Variants in ANKRD40 observed in about 807,000 individuals in gnomAD.
ANKRD40 encodes the protein ankyrin repeat domain-containing protein 40.
A neutral mutation model predicts 35.5 loss-of-function variants in ANKRD40; 24 were observed. The ratio of observed to expected loss-of-function variants is 0.68; its 90% CI spans 0.49 to 0.95. The LOEUF (loss-of-function observed/expected upper bound fraction) is 0.95. ANKRD40 is among the 40% of genes least tolerant of loss of function. The pLI, the probability that ANKRD40 is intolerant of heterozygous loss-of-function variation, is 0.00. For missense variants in ANKRD40, 361 were observed against 436.0 expected (o/e 0.83, Z 1.53); for synonymous variants, 147 against 173.5 (o/e 0.85, Z 1.20).
rs1968185458 is a variant in ANKRD40 at position 50,695,293 on chromosome 17, G to C, written c.*704C>G. ...AGCCCTCTAGTGACCACGAAGGGGA[G>C]TTAATGCAGAGATGACTCGAGACAG... On this transcript the variant is annotated 3_prime_UTR_variant, in exon 5 of 5. Coordinates refer to ENST00000285243, the MANE Select transcript of ANKRD40 (RefSeq NM_052855.4). The C allele has an allele frequency of 6.6e-6, 1 of 152,368 alleles. No homozygotes were observed. The highest frequency in any genetic ancestry group is 1.5e-5 in the Non-Finnish European group (1 of 68,132). 9.4% of individuals were successfully genotyped at this position (152,368 alleles called of 1,614,324 possible). A position where few individuals can be genotyped will look rare whatever the true frequency, so the allele number is the denominator to read the frequency against.
chr17:50,697,133 A>AG lies in ANKRD40; in HGVS notation c.779-13dup, dbSNP rs750685969. ...CTTGAGTACCAGCTCTAGAAAAAAA[A>AG]GGAGAAATGTTAATGAATAGTTCTG... On this transcript the variant is annotated splice_polypyrimidine_tract_variant and intron_variant, in intron 3 of 4. Transcript: ENST00000285243. 1.9e-6 allele frequency: 3 copies of AG among 1,606,212 alleles called. No individual in the cohort carries two copies. In the East Asian group the frequency reaches 6.7e-5, roughly 36 times the overall value.
At chr17:50,700,009 A>T in intron 2 of ANKRD40, 116 bp from the exon 3 acceptor site, 1 of 950,346 alleles carries the variant, frequency 1.1e-6, no homozygotes, top group Admixed American at 3.6e-5. Flanking sequence ...GGTCAGAAGA[A>T]AAAAGAATAC....
At chr17:50,698,427 A>G (rs1968224963) in intron 3 of ANKRD40, among the ~76,000 whole-genome samples, 2 of 152,234 alleles carry the variant, frequency 1.3e-5, no homozygotes, top group South Asian at 4.1e-4. Context: ...GATATGAATG[A>G]AGGAGAAGGG....
In ANKRD40 at chr17:50,707,882, C is replaced by G. The variant is rs1370073274; in HGVS notation, c.-228G>C. 1 of 160,760 alleles carries G rather than the reference C, an allele frequency of 6.2e-6. No homozygotes were observed. The allele number at this position is 160,760 out of a possible 1,614,324, so 10.0% of individuals were successfully genotyped here. ...GGCCCAGGCCTCCTCCCGGGCCGCGCCTCCCGAAGGCCGGCTCCGGGGGAC... is the reference window on the plus strand; with the variant it reads ...GGCCCAGGCCTCCTCCCGGGCCGCGGCTCCCGAAGGCCGGCTCCGGGGGAC... On this transcript the variant is annotated 5_prime_UTR_variant, in exon 1 of 5. Coordinates refer to ENST00000285243, the MANE Select transcript of ANKRD40 (RefSeq NM_052855.4). This position sits in a 1 kb window ranked among gnomAD's most constrained non-coding sequence, Gnocchi z 4.8.
In ANKRD40 at chr17:50,707,687, G is replaced by C. The variant is rs764217338; in HGVS notation, c.-33C>G. ...CAGCCCCAGGCCCCCGCCCAGGCCC[G>C]CCTGCCCCGCCCCGCCCGGGGCCTG... On this transcript the variant is annotated 5_prime_UTR_variant, in exon 1 of 5. Transcript: ENST00000285243. The surrounding 1 kb of genome is among the most constrained non-coding windows in gnomAD (Gnocchi z 4.8). The C allele has an allele frequency of 2.2e-6, 3 of 1,371,952 alleles. No homozygotes were observed. Among genetic ancestry groups the C allele is most frequent in the Admixed American group, 5.7e-5 (2 of 35,332 alleles). 85.0% of individuals were successfully genotyped at this position (1,371,952 alleles called of 1,614,324 possible). A position where few individuals can be genotyped will look rare whatever the true frequency, so the allele number is the denominator to read the frequency against.
chr17:50,702,315 G>C (rs534540716), intron 1 of ANKRD40, among the ~76,000 whole-genome samples: 1 of 152,134 alleles, frequency 6.6e-6, no homozygotes, highest in South Asian at 2.1e-4. Flanking sequence ...CAGGAGAATT[G>C]CTTGAACCCA....
At position 50,700,662 on chromosome 17, in the gene ANKRD40, C is replaced by G. The variant is rs773643185; in HGVS notation, c.189G>C (p.Leu63=). ...KRNHGQVVSY[L]LKSGADKEIL... is the part of the protein sequence containing the mutation. The stretch of plus-strand genomic sequence containing the variant: ...TTTCTTTGTCAGCTCCTGATTTTAA[C>G]AGGTAAGAGACCACCTGACCATGGT... Residue 63 remains leucine, a synonymous_variant, in exon 2 of 5, where the codon CTG becomes CTC. Transcript: ENST00000285243. 2.5e-6 allele frequency: 4 copies of G among 1,614,054 alleles called. No homozygotes were observed. In the Admixed American group the frequency reaches 5.0e-5, roughly 20 times the overall value.
At position 50,703,553 on chromosome 17, in the gene ANKRD40, G is replaced by A. The variant is rs184766789; in HGVS notation, c.135-2837C>T. 1.1e-4 allele frequency among the ~76,000 whole-genome samples: 16 copies of A among 152,302 alleles called. No homozygotes were observed. In the East Asian group the frequency reaches 3.1e-3, roughly 29 times the overall value. The stretch of plus-strand genomic sequence containing the variant: ...ATCTAAACTAAAATCTGAAGGTGGT[G>A]AGGAAGCAAACCATGTGATATCTGG... On this transcript the variant is annotated intron_variant, in intron 1 of 4. Coordinates refer to ENST00000285243, the MANE Select transcript of ANKRD40 (RefSeq NM_052855.4).
At chr17:50,704,779 A>AG (rs1477113612) in intron 1 of ANKRD40, among the ~76,000 whole-genome samples, 1 of 152,114 alleles carries the variant, frequency 6.6e-6, no homozygotes, top group Non-Finnish European at 1.5e-5. Context: ...CTATGTCCCC[A>AG]GGTAGTTGTG....
rs1729344506 is a variant in ANKRD40, at chr17:50,695,170, GAC to G, written c.*825_*826del. 2 of 144,344 alleles carry G rather than the reference GAC, an allele frequency of 1.4e-5. No homozygotes were observed. Among genetic ancestry groups the G allele is most frequent in the African/African-American group, 2.5e-5 (1 of 39,668 alleles). 8.9% of individuals were successfully genotyped at this position (144,344 alleles called of 1,614,324 possible). A position where few individuals can be genotyped will look rare whatever the true frequency, so the allele number is the denominator to read the frequency against. On this transcript the variant is annotated 3_prime_UTR_variant, in exon 5 of 5. Coordinates refer to ENST00000285243, the MANE Select transcript of ANKRD40 (RefSeq NM_052855.4). ...GCATCACTTAAGGCCAGAAGTTTGA[GAC>G]CAGCCTGGGCCACATAGTGAGACCC... is the stretch of plus-strand genomic sequence containing the variant.
In ANKRD40 at chr17:50,695,552, C is replaced by T. The variant is rs1043006046; in HGVS notation, c.*445G>A. On this transcript the variant is annotated 3_prime_UTR_variant, in exon 5 of 5. Transcript: ENST00000285243. ...GTCCAGTATCTGTGCTTTCCCGAGT[C>T]TTCCTCTCTCATAAGTTCCCAATGT... The T allele has an allele frequency of 6.4e-6, 1 of 155,722 alleles. No individual in the cohort carries two copies. Among genetic ancestry groups the T allele is most frequent in the Non-Finnish European group, 1.4e-5 (1 of 70,020 alleles). 9.6% of individuals were successfully genotyped at this position (155,722 alleles called of 1,614,324 possible). A position where few individuals can be genotyped will look rare whatever the true frequency, so the allele number is the denominator to read the frequency against.
intron 1 of ANKRD40, among the ~76,000 whole-genome samples, chr17:50,706,934 A>T (rs1373822919): frequency 7.0e-6 from 1 of 141,876 alleles, no homozygotes; most frequent in Non-Finnish European, 1.5e-5. Context: ...AAAAAAAAAG[A>T]AAGAAAATAA....
At chr17:50,696,619 T>A (rs1460105203) in intron 4 of ANKRD40, 1 of 248,570 alleles carries the variant, frequency 4.0e-6, no homozygotes, top group African/African-American at 2.2e-5. Flanking sequence ...TTCTCTCTGG[T>A]ATCAACTTCC....
rs1968360295 is a variant in ANKRD40 at position 50,707,763 on chromosome 17, G to C, written c.-109C>G. ...CCGCTCCCGGCCATGGGGAGGGAGC[G>C]CGGAACTCGCCCGCCCTGCTCGCGC... On this transcript the variant is annotated 5_prime_UTR_variant, in exon 1 of 5. Coordinates refer to ENST00000285243, the MANE Select transcript of ANKRD40 (RefSeq NM_052855.4). This position sits in a 1 kb window ranked among gnomAD's most constrained non-coding sequence, Gnocchi z 4.8. 1 of 794,050 alleles carries C rather than the reference G, an allele frequency of 1.3e-6. No individual in the cohort carries two copies. Among genetic ancestry groups the C allele is most frequent in the African/African-American group, 1.9e-5 (1 of 53,618 alleles). The allele number at this position is 794,050 out of a possible 1,614,324, so 49.2% of individuals were successfully genotyped here.
Position 50,696,923 on chromosome 17 carries a change from G to A in ANKRD40, c.960+17C>T, listed in dbSNP as rs1420987985. On this transcript the variant is annotated intron_variant, in intron 4 of 4. Transcript: ENST00000285243. ...TCAAATGCAAAAAGCAGCCATTCATGCTTAGACTTTTCTTACCTTCCTTAA... is the reference window on the plus strand; with the variant it reads ...TCAAATGCAAAAAGCAGCCATTCATACTTAGACTTTTCTTACCTTCCTTAA... 1 of 1,580,412 alleles carries A rather than the reference G, an allele frequency of 6.3e-7. No individual in the cohort carries two copies. Among genetic ancestry groups the A allele is most frequent in the Admixed American group, 1.8e-5 (1 of 54,364 alleles).
intron 1 of ANKRD40, among the ~76,000 whole-genome samples, chr17:50,701,978 T>C (rs1218124106): frequency 6.6e-6 from 1 of 152,238 alleles, no homozygotes; most frequent in Non-Finnish European, 1.5e-5. Flanking sequence ...TCCTTTAAGG[T>C]GTATTCCATG....
In ANKRD40 at chr17:50,705,660, CT is replaced by C. The variant is rs901114991; in HGVS notation, c.134+1860del. ...CACCAGGTCCTACCAGGAAGATAGA[CT>C]TTTTTTTTTTTTTTTTTTGAGACAG... On this transcript the variant is annotated intron_variant, in intron 1 of 4. Transcript: ENST00000285243. Among the ~76,000 whole-genome samples the C allele has an allele frequency of 4.6e-3, 589 of 127,162 alleles. 1 individual carries two copies. Among genetic ancestry groups the C allele is most frequent in the Non-Finnish European group, 5.0e-3 (298 of 59,750 alleles). The allele number at this position is 127,162 out of a possible 152,430, so 83.4% of individuals were successfully genotyped here.
chr17:50,700,722 C>T lies in ANKRD40; in HGVS notation c.135-6G>A. The T allele has an allele frequency of 1.9e-6, 3 of 1,598,940 alleles. No individual in the cohort carries two copies. The highest frequency in any genetic ancestry group is 2.7e-5 in the African/African-American group (2 of 74,164). On this transcript the variant is annotated splice_region_variant and splice_polypyrimidine_tract_variant and intron_variant, in intron 1 of 4. Transcript: ENST00000285243. Reference sequence around the variant, plus strand: ...ATGCCCAGTGTAAACAAGTCCTGTACCAAAGAAAATAATGATTGAAAAAGA... The same window carrying T: ...ATGCCCAGTGTAAACAAGTCCTGTATCAAAGAAAATAATGATTGAAAAAGA...
intron 2 of ANKRD40, 105 bp downstream of exon 2, chr17:50,700,463 A>AAT: frequency 8.1e-7 from 1 of 1,231,070 alleles, no homozygotes; most frequent in Non-Finnish European, 1.1e-6. Context: ...AAAAAAAAGA[A>AAT]AGAAATAGAG....
Sources: gnomAD v4.1 joint callset for allele counts (sites outside exome capture counted in the v4.1 genomes callset) on GRCh38, gnomAD v4.1.1 for gene constraint, Gnocchi (gnomAD v3.1) non-coding constraint, MANE v1.5 for transcripts, NCBI Gene and HGNC (gene_info 2026-07-23, HGNC 2026-07-21) for gene names.